Variants in ARHGAP15 observed in about 807,000 individuals in gnomAD.
ARHGAP15 encodes rho GTPase-activating protein 15.
Under a neutral mutation model 63.7 loss-of-function variants are expected in ARHGAP15, and 51 were observed. The observed-to-expected ratio is 0.80, with a 90% confidence interval of 0.64 to 1.01. The LOEUF is 1.01. Ranked by LOEUF, ARHGAP15 falls within the 50% of genes least tolerant of loss-of-function variation. ARHGAP15 has a pLI of 0.00. For missense variants in ARHGAP15, 560 were observed against 564.6 expected, an observed-to-expected ratio of 0.99 and a Z score of 0.08; for synonymous variants, 191 against 193.8, an observed-to-expected ratio of 0.99 and a Z score of 0.12.
chr2:143,305,616 C>T (rs1460001896), intron 6 of ARHGAP15, among the ~76,000 whole-genome samples: 2 of 151,904 alleles, frequency 1.3e-5, no homozygotes, highest in African/African-American at 4.8e-5. Context: ...TAAACCTTTA[C>T]AAAACATAGC....
chr2:143,759,205 G>A (rs1686677852), intron 13 of ARHGAP15, among the ~76,000 whole-genome samples: 1 of 152,070 alleles, frequency 6.6e-6, no homozygotes, highest in Non-Finnish European at 1.5e-5. Flanking sequence ...GCTTGGGACA[G>A]GGTACAATAT....
chr2:143,634,800 C>A (rs895445167), intron 12 of ARHGAP15, among the ~76,000 whole-genome samples: 1 of 152,092 alleles, frequency 6.6e-6, no homozygotes, highest in African/African-American at 2.4e-5. Context: ...TTTGTTCTGC[C>A]AGATGTTCTC....
chr2:143,722,352 C>T lies in ARHGAP15; in HGVS notation c.1244+18828C>T, dbSNP rs189570327. On this transcript the variant is annotated intron_variant, in intron 13 of 13. Transcript: ENST00000295095. ...TCATCAGTATAGCTGTAAAAAATGC[C>T]GTTACTTGCCAACAATATATAAATT... Among the ~76,000 whole-genome samples, 166 of 152,052 alleles carry T rather than the reference C, an allele frequency of 1.1e-3. 2 individuals are homozygous for T. Among genetic ancestry groups the T allele is most frequent in the African/African-American group, 3.9e-3 (161 of 41,466 alleles).
intron 6 of ARHGAP15, among the ~76,000 whole-genome samples, chr2:143,378,499 A>G (rs1043944199): frequency 1.3e-5 from 2 of 152,070 alleles, no homozygotes; most frequent in African/African-American, 4.8e-5. Context: ...TCTCTCTCTG[A>G]TAACAGCGGT....
intron 12 of ARHGAP15, among the ~76,000 whole-genome samples, chr2:143,636,655 A>T (rs1210619027): frequency 6.6e-6 from 1 of 152,166 alleles, no homozygotes; most frequent in African/African-American, 2.4e-5. Context: ...AAATATTTTT[A>T]AAACACTTAA....
intron 4 of ARHGAP15, among the ~76,000 whole-genome samples, chr2:143,220,904 ACT>A (rs1692968519): frequency 6.6e-6 from 1 of 152,038 alleles, no homozygotes; most frequent in Non-Finnish European, 1.5e-5. Flanking sequence ...TACAATATAG[ACT>A]CTATTATTGC....
chr2:143,564,118 A>G (rs1485906371), intron 11 of ARHGAP15: 3 of 152,382 alleles, frequency 2.0e-5, no homozygotes, highest in Non-Finnish European at 4.4e-5. Context: ...GCCTCAATCC[A>G]TCATTGGTTG....
chr2:143,612,040 A>G (rs966359395), intron 11 of ARHGAP15, among the ~76,000 whole-genome samples: 1 of 152,156 alleles, frequency 6.6e-6, no homozygotes, highest in African/African-American at 2.4e-5. Flanking sequence ...TCTATTTCCT[A>G]CAGATTTATC....
chr2:143,218,277 C>CTTTTTTTTTTT (rs762494225), intron 4 of ARHGAP15, among the ~76,000 whole-genome samples: 146 of 92,048 alleles, frequency 1.6e-3, no homozygotes, highest in South Asian at 2.4e-3. Context: ...TTTAGTTTTC[C>CTTTTTTTTTTT]TTTTTTTTTT....
chr2:143,399,179 A>G (rs575015271), intron 6 of ARHGAP15, among the ~76,000 whole-genome samples: 3 of 152,212 alleles, frequency 2.0e-5, no homozygotes, highest in African/African-American at 7.2e-5. Context: ...GGTACTGCCC[A>G]GATAACATTT....
chr2:143,479,176 T>C (rs1003664487), intron 8 of ARHGAP15, among the ~76,000 whole-genome samples: 2 of 152,354 alleles, frequency 1.3e-5, no homozygotes, highest in African/African-American at 4.8e-5. Context: ...GTTCAGAATC[T>C]GAGTCCATAC....
At chr2:143,142,666 C>T (rs1170667217) in intron 1 of ARHGAP15, among the ~76,000 whole-genome samples, 1 of 151,982 alleles carries the variant, frequency 6.6e-6, no homozygotes. Context: ...GTTTGCATAC[C>T]TTGTGTTGTG....
At chr2:143,209,923 C>T (rs965048970) in intron 3 of ARHGAP15, among the ~76,000 whole-genome samples, 6 of 152,076 alleles carry the variant, frequency 3.9e-5, no homozygotes, top group Non-Finnish European at 8.8e-5. Flanking sequence ...CATCCAGCTC[C>T]ACATTTGAAA....
chr2:143,722,216 C>A (rs1685093547), intron 13 of ARHGAP15, among the ~76,000 whole-genome samples: 1 of 151,832 alleles, frequency 6.6e-6, no homozygotes, highest in African/African-American at 2.4e-5. Context: ...CGGCAAGACC[C>A]AATTAATCAC....
At chr2:143,405,322 A>C (rs192188243) in intron 6 of ARHGAP15, among the ~76,000 whole-genome samples, 1 of 151,274 alleles carries the variant, frequency 6.6e-6, no homozygotes, top group Non-Finnish European at 1.5e-5. Flanking sequence ...TCGTGGCCTT[A>C]ATCAAATTTT....
At chr2:143,257,032 T>TA (rs1680461483) in intron 6 of ARHGAP15, among the ~76,000 whole-genome samples, 1 of 152,118 alleles carries the variant, frequency 6.6e-6, no homozygotes, top group South Asian at 2.1e-4. Context: ...TAAGAAATAA[T>TA]AAAACTTTTT....
At chr2:143,263,197 T>G (rs577608246) in intron 6 of ARHGAP15, among the ~76,000 whole-genome samples, 4 of 152,312 alleles carry the variant, frequency 2.6e-5, no homozygotes, top group African/African-American at 7.2e-5. Context: ...CGGCAGATCT[T>G]AAGATCACGT....
intron 6 of ARHGAP15, among the ~76,000 whole-genome samples, chr2:143,313,839 G>A (rs1683561644): frequency 1.3e-5 from 2 of 152,036 alleles, no homozygotes. Flanking sequence ...CATCAAGCAG[G>A]CACTTGGAAC....
intron 1 of ARHGAP15, among the ~76,000 whole-genome samples, chr2:143,137,805 G>A (rs536008026): frequency 1.6e-4 from 25 of 152,096 alleles, no homozygotes; most frequent in African/African-American, 4.1e-4. Context: ...GGAAACTTCC[G>A]TTTCTGTTCA....
Sources: allele counts gnomAD v4.1 joint callset (sites outside exome capture counted in the v4.1 genomes callset), GRCh38; gene constraint gnomAD v4.1.1; transcripts MANE v1.5; gene names NCBI Gene and HGNC (gene_info 2026-07-23, HGNC 2026-07-21).